The following POLA1 variants were observed in gnomAD, a reference collection of about 807,000 sequenced individuals.
POLA1 encodes the protein DNA polymerase alpha catalytic subunit.
POLA1 carries 15 observed loss-of-function variants against 124.0 expected under a neutral mutation model. The observed-to-expected ratio is 0.12, with a 90% CI of 0.08 to 0.19. POLA1 has a LOEUF of 0.19. Ranked by LOEUF, POLA1 falls within the 10% of genes least tolerant of loss-of-function variation. POLA1 has a pLI of 1.00. For missense variants in POLA1, 886 were observed against 1,103.4 expected, an observed-to-expected ratio of 0.80 and a Z score of 2.79; for synonymous variants, 408 against 389.4, an observed-to-expected ratio of 1.05 and a Z score of -0.56.
At chrX:24,697,716 A>C (rs1928114144) in intron 1 of POLA1, among the ~76,000 whole-genome samples, 1 of 111,396 alleles carries the variant, frequency 9.0e-6, no homozygotes, top group African/African-American at 3.3e-5. Context: ...TGTTGTTATG[A>C]ACATTCTAGT....
chrX:24,844,068 C>G (rs756120934), intron 34 of POLA1, among the ~76,000 whole-genome samples: 1 of 108,428 alleles, frequency 9.2e-6, no homozygotes, highest in Non-Finnish European at 1.9e-5. Flanking sequence ...GCCATAAGAT[C>G]GTGTGTAGTG....
At chrX:24,751,860 A>AT (rs1341391227) in intron 26 of POLA1, among the ~76,000 whole-genome samples, 1 of 111,557 alleles carries the variant, frequency 9.0e-6, no homozygotes, top group Non-Finnish European at 1.9e-5. Flanking sequence ...TTAAACTAGT[A>AT]TTTTTTGTGA....
intron 2 of POLA1, among the ~76,000 whole-genome samples, chrX:24,701,434 CTT>C (rs1331309084): frequency 2.0e-4 from 19 of 93,154 alleles, no homozygotes; most frequent in Non-Finnish European, 1.7e-4. Flanking sequence ...AGGTAGAACT[CTT>C]TTTTTTTTTT....
At chrX:24,972,523 G>A (rs1396548179) in intron 36 of POLA1, among the ~76,000 whole-genome samples, 2 of 111,661 alleles carry the variant, frequency 1.8e-5, no homozygotes, top group Non-Finnish European at 3.8e-5. Flanking sequence ...AAACGTATAT[G>A]CTGCACAAGT....
intron 26 of POLA1, among the ~76,000 whole-genome samples, chrX:24,754,148 G>A (rs1036348053): frequency 2.2e-4 from 25 of 111,789 alleles, no homozygotes; most frequent in Admixed American, 6.6e-4. Flanking sequence ...AAGAGAATGA[G>A]TGACTATGAA....
At chrX:24,871,588 A>T (rs1168105299) in intron 34 of POLA1, among the ~76,000 whole-genome samples, 2 of 104,297 alleles carry the variant, frequency 1.9e-5, no homozygotes, top group African/African-American at 6.9e-5. Flanking sequence ...GGGGAACCTT[A>T]TTTTTTTTTT....
intron 34 of POLA1, among the ~76,000 whole-genome samples, chrX:24,870,315 T>G (rs933675313): frequency 1.2e-4 from 14 of 112,282 alleles, no homozygotes; most frequent in Non-Finnish European, 2.4e-4. Flanking sequence ...TCAGTAACCT[T>G]GTGTACAGTT....
chrX:24,771,062 A>G (rs2045024041), intron 26 of POLA1, among the ~76,000 whole-genome samples: 2 of 111,719 alleles, frequency 1.8e-5, no homozygotes, highest in East Asian at 5.6e-4. Flanking sequence ...GAGATGCATT[A>G]CATCTCAGCC....
chrX:24,884,422 T>C (rs1420384353), intron 34 of POLA1, among the ~76,000 whole-genome samples: 1 of 112,305 alleles, frequency 8.9e-6, no homozygotes, highest in African/African-American at 3.2e-5. Context: ...GTGCTGGGAT[T>C]ACAGGCATAA....
chrX:24,919,200 T>A (rs1156630634), intron 35 of POLA1, among the ~76,000 whole-genome samples: 4 of 112,359 alleles, frequency 3.6e-5, no homozygotes, highest in African/African-American at 1.3e-4. Flanking sequence ...ACCTTGGCTT[T>A]ACTTAGCTCC....
At chrX:24,695,770 G>A (rs1041918118) in intron 1 of POLA1, among the ~76,000 whole-genome samples, 1 of 111,976 alleles carries the variant, frequency 8.9e-6, no homozygotes, top group African/African-American at 3.2e-5. Flanking sequence ...GAGCCACTGC[G>A]CCCGGCCAGG....
At chrX:24,723,372 C>A in intron 11 of POLA1, 105 bp downstream of exon 11, 1 of 514,944 alleles carries the variant, frequency 1.9e-6, no homozygotes, top group Non-Finnish European at 3.4e-6. Context: ...AAATTCTCTA[C>A]AATCCTGATG....
chrX:24,714,524 C>A, intron 4 of POLA1, 30 bp from the exon 5 acceptor site: 1 of 902,304 alleles, frequency 1.1e-6, no homozygotes, highest in Non-Finnish European at 1.6e-6. Flanking sequence ...TTTGCTGATG[C>A]ATGTTTCTAA....
chrX:24,829,002 A>C (rs2046218571), intron 32 of POLA1, among the ~76,000 whole-genome samples: 1 of 112,297 alleles, frequency 8.9e-6, no homozygotes. Flanking sequence ...TGCCTTATGA[A>C]TTCAGTTTTC....
intron 36 of POLA1, among the ~76,000 whole-genome samples, chrX:24,991,677 C>G (rs1350231653): frequency 2.7e-5 from 3 of 112,669 alleles, no homozygotes; most frequent in Non-Finnish European, 5.6e-5. Flanking sequence ...AAATACTTGT[C>G]AGATCAGCCT....
rs1044854700 is a variant in POLA1, at chrX:24,710,062, C to T, written c.347-4492C>T. ...GCGGCTGCTCCTTGCCCTCGGGCCCCGTGGGGCCCGTCCGCTCCTCCAGCC... is the reference window on the plus strand; with the variant it reads ...GCGGCTGCTCCTTGCCCTCGGGCCCTGTGGGGCCCGTCCGCTCCTCCAGCC... On this transcript the variant is annotated intron_variant, in intron 4 of 36. Coordinates refer to ENST00000379068, the MANE Select transcript of POLA1 (RefSeq NM_001330360.2). Among the ~76,000 whole-genome samples, 15 of 104,787 alleles carry T rather than the reference C, an allele frequency of 1.4e-4. 1 individual carries two copies. The highest frequency in any genetic ancestry group is 8.8e-4 in the South Asian group (2 of 2,273). The allele number at this position is 104,787 out of a possible 115,157, so 91.0% of individuals were successfully genotyped here.
chrX:24,974,723 T>TG (rs907055114), intron 36 of POLA1, among the ~76,000 whole-genome samples: 2 of 111,217 alleles, frequency 1.8e-5, no homozygotes, highest in African/African-American at 3.3e-5. Flanking sequence ...AAAACCTAGA[T>TG]GATGGGTTGA....
In POLA1 at chrX:24,996,371, C is replaced by G. The variant is rs1436632469; in HGVS notation, c.*421C>G. 1 of 117,224 alleles carries G rather than the reference C, an allele frequency of 8.5e-6. No individual in the cohort carries two copies. Among genetic ancestry groups the G allele is most frequent in the Admixed American group, 9.2e-5 (1 of 10,847 alleles). The allele number at this position is 117,224 out of a possible 1,213,427, so 9.7% of individuals were successfully genotyped here. A position where few individuals can be genotyped will look rare whatever the true frequency, so the allele number is the denominator to read the frequency against. ...GCCTGACTGAAGAGCTGACGTTTTG[C>G]TTTTTCATATGCCAATTAAACCCGG... On this transcript the variant is annotated 3_prime_UTR_variant, in exon 37 of 37. Coordinates refer to ENST00000379068, the MANE Select transcript of POLA1 (RefSeq NM_001330360.2).
intron 24 of POLA1, among the ~76,000 whole-genome samples, chrX:24,745,979 A>G (rs2148400868): frequency 8.9e-6 from 1 of 111,874 alleles, no homozygotes; most frequent in South Asian, 3.7e-4. Context: ...TTGCTGAATA[A>G]TATTCCATTT....
Sources: allele counts gnomAD v4.1 joint callset (sites outside exome capture counted in the v4.1 genomes callset), GRCh38; gene constraint gnomAD v4.1.1; transcripts MANE v1.5; gene names NCBI Gene and HGNC (gene_info 2026-07-23, HGNC 2026-07-21).